The following GXYLT2 variants were observed in gnomAD, a reference collection of about 807,000 sequenced individuals.
GXYLT2 encodes glucoside xylosyltransferase 2.
In GXYLT2, 53 loss-of-function variants were observed where a neutral mutation model predicts 45.8. That is an observed-to-expected ratio of 1.16 (90% CI 0.93 to 1.46). GXYLT2 has a LOEUF of 1.46. Among genes scored for constraint, GXYLT2 ranks in the 40% most tolerant of loss-of-function variants. The pLI, the probability that GXYLT2 is intolerant of heterozygous loss-of-function variation, is 0.00. For missense variants in GXYLT2, 551 were observed against 544.4 expected, an observed-to-expected ratio of 1.01 and a Z score of -0.12; for synonymous variants, 219 against 214.2, an observed-to-expected ratio of 1.02 and a Z score of -0.19.
At chr3:72,939,684 CTT>C (rs34955124) in intron 3 of GXYLT2, among the ~76,000 whole-genome samples, 9 of 139,268 alleles carry the variant, frequency 6.5e-5, no homozygotes, top group Admixed American at 1.5e-4. Context: ...CTTTTCTTTC[CTT>C]TTTTTTTTTT....
chr3:72,932,070 C>CT (rs796800391), intron 3 of GXYLT2, among the ~76,000 whole-genome samples: 245 of 143,594 alleles, frequency 1.7e-3, no homozygotes, highest in Admixed American at 2.9e-3. Flanking sequence ...TGTCTTTTAA[C>CT]TTTTTTTTTT....
chr3:72,898,521 A>G (rs1454891942), intron 1 of GXYLT2, among the ~76,000 whole-genome samples: 4 of 152,228 alleles, frequency 2.6e-5, no homozygotes. Context: ...GTGCCTTCAT[A>G]GAATTCTGGA....
chr3:72,912,840 A>C (rs1001849890), intron 2 of GXYLT2, among the ~76,000 whole-genome samples: 1 of 152,178 alleles, frequency 6.6e-6, no homozygotes, highest in Admixed American at 6.5e-5. Flanking sequence ...TGAAATCTGT[A>C]AGCATAATAA....
chr3:72,923,778 A>G (rs1261527186), intron 3 of GXYLT2, among the ~76,000 whole-genome samples: 4 of 152,184 alleles, frequency 2.6e-5, no homozygotes, highest in Non-Finnish European at 5.9e-5. Flanking sequence ...GAGAGATCAT[A>G]GAAGGTTCTC....
intron 1 of GXYLT2, among the ~76,000 whole-genome samples, chr3:72,890,433 T>TG (rs1302698935): frequency 2.0e-5 from 3 of 152,182 alleles, no homozygotes; most frequent in Non-Finnish European, 4.4e-5. Context: ...TAAGCACCAA[T>TG]GGTATCCCCA....
intron 3 of GXYLT2, among the ~76,000 whole-genome samples, chr3:72,948,532 G>A (rs754222006): frequency 6.6e-6 from 1 of 152,158 alleles, no homozygotes; most frequent in Non-Finnish European, 1.5e-5. Flanking sequence ...TGAAGAACAA[G>A]TCACAATGGA....
Position 72,888,478 on chromosome 3 carries a change from G to T in GXYLT2, c.245G>T (p.Arg82Leu). The T allele has an allele frequency of 6.4e-6, 8 of 1,250,176 alleles. No individual in the cohort carries two copies. The highest frequency in any genetic ancestry group is 8.1e-6 in the Non-Finnish European group (8 of 992,618). 77.4% of individuals were successfully genotyped at this position (1,250,176 alleles called of 1,614,324 possible). Residue 82 changes from arginine (R) to leucine (L), a missense_variant, in exon 1 of 7, where the codon CGG (arginine) becomes CTG (leucine). By Grantham distance (102) the Arg-to-Leu change is moderately radical. Transcript: ENST00000389617. ...CGTCCGCGCCCCCGAGCGGGCCGCC[G>T]GGGCGCTGCGAGACTGGAGAAGTTG... ...PPRPRPRAGR[R>L]GAARLEKLAR...
intron 2 of GXYLT2, among the ~76,000 whole-genome samples, chr3:72,915,737 G>A (rs960498614): frequency 5.9e-5 from 9 of 152,020 alleles, no homozygotes; most frequent in African/African-American, 2.2e-4. Context: ...TCAGGAGGCT[G>A]AGGCAGAATT....
chr3:72,927,799 C>A (rs1193029193), intron 3 of GXYLT2, among the ~76,000 whole-genome samples: 2 of 152,142 alleles, frequency 1.3e-5, no homozygotes, highest in African/African-American at 2.4e-5. Flanking sequence ...ACCTTAGATA[C>A]CAATTTTGTT....
rs374139103 is a variant in GXYLT2, at chr3:72,967,500, G to C, written c.977-47G>C. 5.9e-5 allele frequency: 85 copies of C among 1,452,860 alleles called. No individual in the cohort carries two copies. The Middle Eastern group carries it at 3.4e-3, about 57-fold the overall frequency. 90.0% of individuals were successfully genotyped at this position (1,452,860 alleles called of 1,614,324 possible). A position where few individuals can be genotyped will look rare whatever the true frequency, so the allele number is the denominator to read the frequency against. ...TTAATCGTGCCACATGTGCATGAGAGCTGGCACTAACCGTGGACATATATG... is the reference window on the plus strand; with the variant it reads ...TTAATCGTGCCACATGTGCATGAGACCTGGCACTAACCGTGGACATATATG... On this transcript the variant is annotated intron_variant, in intron 5 of 6. Transcript: ENST00000389617.
intron 3 of GXYLT2, among the ~76,000 whole-genome samples, chr3:72,954,001 C>CGA (rs1308812359): frequency 2.0e-5 from 3 of 152,100 alleles, no homozygotes; most frequent in African/African-American, 7.2e-5. Context: ...TGAGGTGGGA[C>CGA]GACCACTTGA....
chr3:72,893,341 T>C (rs889778949), intron 1 of GXYLT2, among the ~76,000 whole-genome samples: 5 of 152,244 alleles, frequency 3.3e-5, no homozygotes, highest in African/African-American at 9.6e-5. Context: ...CTCTCTGTGC[T>C]GGAATGTTTG....
At chr3:72,951,460 A>G (rs562495956) in intron 3 of GXYLT2, among the ~76,000 whole-genome samples, 4 of 152,350 alleles carry the variant, frequency 2.6e-5, no homozygotes, top group East Asian at 3.9e-4. Flanking sequence ...AGTACTTACT[A>G]TGTGCCAGCC....
chr3:72,933,210 ATTT>A, intron 3 of GXYLT2, among the ~76,000 whole-genome samples: 1 of 151,960 alleles, frequency 6.6e-6, no homozygotes, highest in South Asian at 2.1e-4. Context: ...TAGCAACATC[ATTT>A]TTTTTGACCC....
At chr3:72,970,774 A>G (rs1466635005) in intron 6 of GXYLT2, among the ~76,000 whole-genome samples, 1 of 152,044 alleles carries the variant, frequency 6.6e-6, no homozygotes, top group East Asian at 1.9e-4. Context: ...AGGCAGGAGA[A>G]TCACTTGAAC....
intron 1 of GXYLT2, among the ~76,000 whole-genome samples, chr3:72,907,420 A>G (rs149743205): frequency 1.1e-4 from 17 of 152,274 alleles, no homozygotes; most frequent in African/African-American, 4.1e-4. Context: ...AGCATTTGAC[A>G]TCCAAGTTCC....
intron 2 of GXYLT2, among the ~76,000 whole-genome samples, chr3:72,914,580 C>T (rs1171073324): frequency 1.3e-5 from 2 of 151,828 alleles, no homozygotes; most frequent in Non-Finnish European, 2.9e-5. Context: ...TGTATATGCG[C>T]GTATGTGTGC....
intron 5 of GXYLT2, among the ~76,000 whole-genome samples, chr3:72,960,522 T>C (rs1710747575): frequency 6.6e-6 from 1 of 152,226 alleles, no homozygotes; most frequent in Non-Finnish European, 1.5e-5. Flanking sequence ...TAAAACAGGA[T>C]ATTGGAAAAT....
At chr3:72,908,299 GC>G (rs1053330752) in intron 1 of GXYLT2, 67 bp from the exon 2 acceptor site, 4 of 1,125,520 alleles carry the variant, frequency 3.6e-6, no homozygotes, top group Non-Finnish European at 5.0e-6. Context: ...CCATTCACTC[GC>G]CGGTTTTTTG....
Sources: allele counts gnomAD v4.1 joint callset (sites outside exome capture counted in the v4.1 genomes callset), GRCh38; gene constraint gnomAD v4.1.1; transcripts MANE v1.5; gene names NCBI Gene and HGNC (gene_info 2026-07-23, HGNC 2026-07-21).